STRA6: variants seen among roughly 807,000 people sequenced by gnomAD.
STRA6 encodes signaling receptor and transporter of retinol STRA6.
Under a neutral mutation model 83.6 loss-of-function variants are expected in STRA6, and 48 were observed. The ratio of observed to expected loss-of-function variants is 0.57; its 90% CI spans 0.46 to 0.73. The LOEUF is 0.73. Ranked by LOEUF, STRA6 falls within the 30% of genes least tolerant of loss-of-function variation. The pLI is 0.00. For missense variants in STRA6, 760 were observed against 838.8 expected (o/e 0.91, Z 1.16); for synonymous variants, 353 against 362.3 (o/e 0.97, Z 0.29).
chr15:74,208,512 C>T (rs2074313062), intron 1 of STRA6, among the ~76,000 whole-genome samples: 1 of 152,152 alleles, frequency 6.6e-6, no homozygotes. Flanking sequence ...CAGGACAGGG[C>T]TCTCCACCAA....
chr15:74,182,841 T>C, intron 14 of STRA6: 1 of 293,132 alleles, frequency 3.4e-6, no homozygotes, highest in Non-Finnish European at 6.6e-6. Context: ...GAGCCTGGCA[T>C]ACGGTAGGTG....
chr15:74,190,774 G>C (rs2073489691), intron 11 of STRA6, 66 bp downstream of exon 11: 6 of 1,611,096 alleles, frequency 3.7e-6, no homozygotes, highest in South Asian at 3.3e-5. Flanking sequence ...GGCCGGAACT[G>C]CTCCAGGCTT....
Position 74,182,451 on chromosome 15 carries a change from A to G in STRA6, c.1310T>C (p.Val437Ala). The G allele has an allele frequency of 1.2e-6, 2 of 1,609,070 alleles. No individual in the cohort carries two copies. The highest frequency in any genetic ancestry group is 1.7e-6 in the Non-Finnish European group (2 of 1,177,790). The part of the protein sequence containing the change: ...QTAFICLGLL[V>A]QQIIFFLGTT... ...TCCCAGGAAGAAGATGATCTGCTGC[A>G]CCAGGAGCCCTGCCAGGGGCGGGAG... Residue 437 changes from valine (V) to alanine (A), a missense_variant, in exon 15 of 19, where the codon GTG becomes GCG. By Grantham distance (64) the Val-to-Ala change is moderately conservative. Transcript: ENST00000395105.
rs2074079375 is a variant in STRA6, at chr15:74,201,795, G to A, written c.113+360C>T. ...AGAGACCAATAACCCCTTGAAGGGA[G>A]GTCTGCTTGCCTCAACTGCTCTCAG... On this transcript the variant is annotated intron_variant, in intron 2 of 18. Transcript: ENST00000395105. Among the ~76,000 whole-genome samples the A allele has an allele frequency of 2.6e-5, 4 of 152,222 alleles. No individual in the cohort carries two copies. In the South Asian group the frequency reaches 8.3e-4, roughly 32 times the overall value.
At chr15:74,193,531 T>C (rs560044300) in intron 8 of STRA6, among the ~76,000 whole-genome samples, 115 of 152,296 alleles carry the variant, frequency 7.6e-4, no homozygotes, top group Non-Finnish European at 1.9e-4. Flanking sequence ...GAGATATGAC[T>C]CTCCTGGCTT....
intron 8 of STRA6, among the ~76,000 whole-genome samples, chr15:74,192,529 G>A (rs796121802): frequency 2.0e-5 from 3 of 152,204 alleles, no homozygotes; most frequent in African/African-American, 7.2e-5. Flanking sequence ...TGACCTTGCC[G>A]AGTTAACACC....
chr15:74,208,690 C>T lies in STRA6; in HGVS notation c.-16+110G>A, dbSNP rs904249049. The T allele has an allele frequency of 9.1e-6, 9 of 986,122 alleles. 1 individual carries two copies. In the South Asian group the frequency reaches 2.3e-4, roughly 26 times the overall value. 61.1% of individuals were successfully genotyped at this position (986,122 alleles called of 1,614,324 possible). On this transcript the variant is annotated intron_variant, in intron 1 of 18. Transcript: ENST00000323940. ...GCCCATCACTCTGCTCACTTCCTGC[C>T]CCTAGGCTCTGACTCCTGCTCACTT...
intron 11 of STRA6, among the ~76,000 whole-genome samples, chr15:74,190,107 G>A (rs974955904): frequency 2.6e-5 from 4 of 152,342 alleles, no homozygotes; most frequent in Admixed American, 2.6e-4. Context: ...TTGGTATGGA[G>A]GGGTGTTCCT....
intron 1 of STRA6, chr15:74,208,053 A>C: frequency 6.9e-6 from 9 of 1,299,124 alleles, no homozygotes; most frequent in Non-Finnish European, 6.9e-6. Flanking sequence ...TCATCATAAC[A>C]TAAAGGATTT....
At chr15:74,208,032 C>G in intron 1 of STRA6, 14 of 1,361,356 alleles carry the variant, frequency 1.0e-5, no homozygotes, top group Non-Finnish European at 1.3e-5. Context: ...ATGCCCCCCT[C>G]ACCAACAGCA....
chr15:74,197,552 G>C, intron 3 of STRA6, 129 bp from the exon 4 acceptor site: 1 of 1,081,646 alleles, frequency 9.2e-7, no homozygotes, highest in Admixed American at 2.0e-5. Flanking sequence ...ACATCTTGGG[G>C]ACTGGTCAAG....
chr15:74,189,139 T>A lies in STRA6; in HGVS notation c.1066A>T (p.Lys356Ter). 6.2e-7 allele frequency: 1 copy of A among 1,614,108 alleles called. No individual in the cohort carries two copies. The highest frequency in any genetic ancestry group is 1.1e-5 in the South Asian group (1 of 91,060). Residue 356 changes from lysine to a stop codon, truncating the protein, a stop_gained, in exon 12 of 19, where the codon AAG becomes TAG. Transcript: ENST00000395105. LOFTEE classifies it high-confidence loss of function. ...CCTTCCAGAGCCCACAGATGGTGCT[T>A]CACCAGCTCCACCACCTCCTGCTTG... The part of the protein sequence containing the change: ...EDKQEVVELV[K>*]HHLWALEVCY...
At chr15:74,194,765 G>GTAGATCTCGGTGGTCGCCGTATCATTAAA in intron 7 of STRA6, 3 of 1,268,246 alleles carry the variant, frequency 2.4e-6, no homozygotes, top group Admixed American at 3.7e-5. Flanking sequence ...ATGAAGTGGT[G>GTAGATCTCGGTGGTCGCCGTATCATTAAA]AAGCTGGATT....
intron 11 of STRA6, among the ~76,000 whole-genome samples, 185 bp downstream of exon 11, chr15:74,190,655 C>T (rs1456993326): frequency 2.6e-5 from 4 of 152,126 alleles, no homozygotes; most frequent in Admixed American, 6.6e-5. Flanking sequence ...CGAGTCACTT[C>T]ATGAGTCCAA....
chr15:74,202,689 A>C, intron 1 of STRA6, 24 bp downstream of exon 1: 1 of 1,359,702 alleles, frequency 7.4e-7, no homozygotes, highest in Admixed American at 3.3e-5. Flanking sequence ...TCCCAAGCCC[A>C]CCTAGACAGA....
rs538075477 is a variant in STRA6, at chr15:74,197,966, C to T, written c.114-148G>A. The T allele has an allele frequency of 9.5e-5, 78 of 820,552 alleles. 1 individual carries two copies. In the South Asian group the frequency reaches 1.1e-3, roughly 11 times the overall value. The allele number at this position is 820,552 out of a possible 1,614,324, so 50.8% of individuals were successfully genotyped here. Reference sequence around the variant, plus strand: ...CCTCCTACACAAGCCTTCCCAGTCCCACCTTCTCAGGGTCATTCTGGGGCC... The same window carrying T: ...CCTCCTACACAAGCCTTCCCAGTCCTACCTTCTCAGGGTCATTCTGGGGCC... On this transcript the variant is annotated intron_variant, in intron 2 of 18. Transcript: ENST00000395105.
At chr15:74,200,578 C>G (rs2074013619) in intron 2 of STRA6, among the ~76,000 whole-genome samples, 1 of 152,228 alleles carries the variant, frequency 6.6e-6, no homozygotes, top group Non-Finnish European at 1.5e-5. Flanking sequence ...CAACATGTCC[C>G]CAGGGTGTCT....
Position 74,189,325 on chromosome 15 carries a change from G to A in STRA6, c.928-48C>T, listed in dbSNP as rs957415370. On this transcript the variant is annotated intron_variant, in intron 11 of 18. Coordinates refer to ENST00000395105, the MANE Select transcript of STRA6 (RefSeq NM_022369.4). Reference sequence around the variant, plus strand: ...GCCCCATCCCAGGAAAGGGTTTTCTGTGCTAACAGGGGAGACGCTGGGGAA... The same window carrying A: ...GCCCCATCCCAGGAAAGGGTTTTCTATGCTAACAGGGGAGACGCTGGGGAA... The A allele has an allele frequency of 5.1e-6, 8 of 1,554,270 alleles. No homozygotes were observed. In the African/African-American group the frequency reaches 1.1e-4, roughly 21 times the overall value.
intron 5 of STRA6, 73 bp from the exon 6 acceptor site, chr15:74,195,748 G>A (rs950204649): frequency 5.4e-6 from 5 of 923,146 alleles, no homozygotes; most frequent in Admixed American, 2.2e-5. Flanking sequence ...GCTTAGCATG[G>A]TGCCTGAGCA....
Sources: gnomAD v4.1 joint callset for allele counts (sites outside exome capture counted in the v4.1 genomes callset) on GRCh38, gnomAD v4.1.1 for gene constraint, MANE v1.5 for transcripts, NCBI Gene and HGNC (gene_info 2026-07-23, HGNC 2026-07-21) for gene names.